Variants in COL14A1 observed in about 807,000 individuals in gnomAD.
The protein encoded by COL14A1 is collagen alpha-1(XIV) chain.
A neutral mutation model predicts 230.3 loss-of-function variants in COL14A1; 136 were observed. The observed-to-expected ratio is 0.59, with a 90% CI of 0.51 to 0.68. The LOEUF is 0.68. Among genes scored for constraint, COL14A1 ranks in the 30% least tolerant of loss-of-function variants. COL14A1 has a pLI of 0.00. For missense variants in COL14A1, 1,976 were observed against 2,215.8 expected (o/e 0.89, Z 2.17); for synonymous variants, 792 against 784.1 (o/e 1.01, Z -0.17).
rs757551292 is a variant in COL14A1, at chr8:120,371,268, C to T, written c.*37C>T. 3.3e-6 allele frequency: 5 copies of T among 1,515,094 alleles called. No individual in the cohort carries two copies. The highest frequency in any genetic ancestry group is 3.6e-6 in the Non-Finnish European group (4 of 1,099,470). The allele number at this position is 1,515,094 out of a possible 1,614,324, so 93.9% of individuals were successfully genotyped here. A position where few individuals can be genotyped will look rare whatever the true frequency, so the allele number is the denominator to read the frequency against. ...GAAATTTGAAGACCAACTGCAAGAACTCTTAAGGAATCTTGTTTGAGAAAA... is the reference window on the plus strand; with the variant it reads ...GAAATTTGAAGACCAACTGCAAGAATTCTTAAGGAATCTTGTTTGAGAAAA... On this transcript the variant is annotated 3_prime_UTR_variant, in exon 48 of 48. Transcript: ENST00000297848.
In COL14A1 at chr8:120,199,398, C is replaced by T; in HGVS notation, c.713-4C>T. On this transcript the variant is annotated splice_polypyrimidine_tract_variant and splice_region_variant and intron_variant, in intron 7 of 47. Transcript: ENST00000297848. ...GGTGTTTACTTTTCCTTGTTTTCTC[C>T]AAGGTCTTGCTTTGAACTACATTTT... The T allele has an allele frequency of 6.4e-7, 1 of 1,569,036 alleles. No homozygotes were observed. Among genetic ancestry groups the T allele is most frequent in the Non-Finnish European group, 8.6e-7 (1 of 1,164,226 alleles).
At chr8:120,342,547 C>A in intron 44 of COL14A1, 101 bp downstream of exon 44, 3 of 1,136,052 alleles carry the variant, frequency 2.6e-6, no homozygotes, top group East Asian at 2.4e-5. Flanking sequence ...AACTCTAAAG[C>A]ATTGTCTTTG....
chr8:120,238,939 A>G (rs1818535580), intron 19 of COL14A1, among the ~76,000 whole-genome samples: 1 of 152,110 alleles, frequency 6.6e-6, no homozygotes, highest in Non-Finnish European at 1.5e-5. Context: ...GGCTGCACCC[A>G]CTGTCTAACC....
chr8:120,234,647 A>G (rs949452130), intron 19 of COL14A1, among the ~76,000 whole-genome samples: 4 of 152,212 alleles, frequency 2.6e-5, no homozygotes, highest in African/African-American at 4.8e-5. Flanking sequence ...CCAGCCTTGC[A>G]TCCCAGGGAT....
intron 4 of COL14A1, among the ~76,000 whole-genome samples, chr8:120,166,747 C>G (rs987379576): frequency 2.0e-5 from 3 of 151,884 alleles, no homozygotes; most frequent in African/African-American, 7.3e-5. Flanking sequence ...ACAAGGCAAC[C>G]TTAGTATATG....
In COL14A1 at chr8:120,255,428, A is replaced by G. The variant is rs2129714603; in HGVS notation, c.2869+72A>G. The G allele has an allele frequency of 2.7e-6, 3 of 1,131,904 alleles. No homozygotes were observed. In the South Asian group the frequency reaches 3.8e-5, roughly 14 times the overall value. The allele number at this position is 1,131,904 out of a possible 1,614,324, so 70.1% of individuals were successfully genotyped here. On this transcript the variant is annotated intron_variant, in intron 23 of 47. Coordinates refer to ENST00000297848, the MANE Select transcript of COL14A1 (RefSeq NM_021110.4). ...TGATTCTTTGCACACCACTGTGTAC[A>G]ACACACAAGTAGCATTAGACAACAG...
At chr8:120,141,368 C>T (rs566245165) in intron 1 of COL14A1, among the ~76,000 whole-genome samples, 1 of 152,084 alleles carries the variant, frequency 6.6e-6, no homozygotes, top group South Asian at 2.1e-4. Context: ...GATGGGGAGA[C>T]CACATTTCTA....
chr8:120,205,226 T>A (rs1234090102), intron 9 of COL14A1, among the ~76,000 whole-genome samples: 1 of 152,124 alleles, frequency 6.6e-6, no homozygotes, highest in Non-Finnish European at 1.5e-5. Flanking sequence ...TGTTAGCAAT[T>A]TTTAGTCTGT....
chr8:120,134,981 AAAAC>A (rs938441470), intron 1 of COL14A1, among the ~76,000 whole-genome samples: 21 of 152,192 alleles, frequency 1.4e-4, no homozygotes, highest in Non-Finnish European at 2.6e-4. Context: ...TCCATCACAA[AAAAC>A]AAACAAACAA....
At position 120,228,910 on chromosome 8, in the gene COL14A1, G is replaced by A. The variant is rs146032411; in HGVS notation, c.2197+141G>A. The A allele has an allele frequency of 1.9e-3, 1,230 of 654,162 alleles. 14 individuals are homozygous for A. The highest frequency in any genetic ancestry group is 8.0e-3 in the South Asian group (411 of 51,368). The allele number at this position is 654,162 out of a possible 1,614,324, so 40.5% of individuals were successfully genotyped here. ...TCTGGCACACTGGTTCAAATTTCACGCCTCTCAGAGCCTCTCAACACCTTC... is the reference window on the plus strand; with the variant it reads ...TCTGGCACACTGGTTCAAATTTCACACCTCTCAGAGCCTCTCAACACCTTC... On this transcript the variant is annotated intron_variant, in intron 18 of 47. Coordinates refer to ENST00000297848, the MANE Select transcript of COL14A1 (RefSeq NM_021110.4).
intron 4 of COL14A1, among the ~76,000 whole-genome samples, chr8:120,164,883 C>T (rs1815811411): frequency 6.6e-6 from 1 of 152,100 alleles, no homozygotes; most frequent in African/African-American, 2.4e-5. Context: ...TGAGGTTTTG[C>T]AATTGATTAT....
chr8:120,244,721 C>G (rs1180512554), intron 20 of COL14A1, among the ~76,000 whole-genome samples: 2 of 152,178 alleles, frequency 1.3e-5, no homozygotes, highest in Non-Finnish European at 2.9e-5. Flanking sequence ...AATTCATTCC[C>G]TTTTATGCAA....
At chr8:120,370,999 A>C (rs1823567806) in intron 47 of COL14A1, 153 bp from the exon 48 acceptor site, 1 of 1,055,432 alleles carries the variant, frequency 9.5e-7, no homozygotes, top group African/African-American at 1.6e-5. Flanking sequence ...CTGAAACCTT[A>C]TGGGGAAGGT....
At chr8:120,200,695 A>G (rs919505798) in intron 8 of COL14A1, among the ~76,000 whole-genome samples, 1 of 136,238 alleles carries the variant, frequency 7.3e-6, no homozygotes, top group Non-Finnish European at 1.6e-5. Flanking sequence ...TTAGAGAAAG[A>G]TCCTAAAAAG....
At chr8:120,349,611 C>T (rs1285532132) in intron 45 of COL14A1, among the ~76,000 whole-genome samples, 6 of 140,596 alleles carry the variant, frequency 4.3e-5, no homozygotes, top group Middle Eastern at 3.2e-3. Context: ...GGAGCCGATG[C>T]GATCAACTGG....
intron 43 of COL14A1, among the ~76,000 whole-genome samples, chr8:120,342,008 C>A (rs1472129370): frequency 2.0e-5 from 3 of 152,156 alleles, no homozygotes; most frequent in African/African-American, 7.2e-5. Flanking sequence ...AACATCTTTC[C>A]TCTGGGTTGC....
intron 45 of COL14A1, among the ~76,000 whole-genome samples, chr8:120,358,828 T>G (rs1476356911): frequency 6.6e-6 from 1 of 152,160 alleles, no homozygotes; most frequent in African/African-American, 2.4e-5. Context: ...GTGAATTTTT[T>G]GACATGGCTT....
In COL14A1 at chr8:120,234,388, G is replaced by A. The variant is rs949439341; in HGVS notation, c.2349+2770G>A. Among the ~76,000 whole-genome samples the A allele has an allele frequency of 5.3e-5, 8 of 152,220 alleles. No individual in the cohort carries two copies. The South Asian group carries it at 8.3e-4, about 16-fold the overall frequency. On this transcript the variant is annotated intron_variant, in intron 19 of 47. Coordinates refer to ENST00000297848, the MANE Select transcript of COL14A1 (RefSeq NM_021110.4). The stretch of plus-strand genomic sequence containing the variant: ...GTGAGATAGGGCATCCTTGTCTTGT[G>A]CCGATTTTCAAAGGGAATGCTTCCA...
intron 27 of COL14A1, 96 bp downstream of exon 27, chr8:120,278,330 G>T: frequency 6.7e-7 from 1 of 1,503,178 alleles, no homozygotes; most frequent in South Asian, 1.4e-5. Flanking sequence ...ATTTTTTAAA[G>T]ATTTTTTTTT....
Sources: gnomAD v4.1 joint callset for allele counts (sites outside exome capture counted in the v4.1 genomes callset) on GRCh38, gnomAD v4.1.1 for gene constraint, MANE v1.5 for transcripts, NCBI Gene and HGNC (gene_info 2026-07-23, HGNC 2026-07-21) for gene names.